Variants in FBLIM1 observed in about 807,000 individuals in gnomAD.
FBLIM1 encodes the protein filamin binding LIM protein 1.
FBLIM1 carries 29 observed loss-of-function variants against 37.4 expected under a neutral mutation model. The ratio of observed to expected loss-of-function variants is 0.77; its 90% CI spans 0.58 to 1.06. The LOEUF is 1.06. Ranked by LOEUF, FBLIM1 falls within the 50% of genes least tolerant of loss-of-function variation. The pLI is 0.00. For missense variants in FBLIM1, 449 were observed against 505.6 expected (o/e 0.89, Z 1.07); for synonymous variants, 193 against 199.0 (o/e 0.97, Z 0.25).
In FBLIM1 at chr1:15,767,545, G is replaced by GC; in HGVS notation, c.425dup (p.Pro143AlafsTer33). On this transcript the variant is annotated frameshift_variant, in exon 4 of 9. Coordinates refer to ENST00000375766, the MANE Select transcript of FBLIM1 (RefSeq NM_017556.4). LOFTEE classifies it high-confidence loss of function. ...ACTTAGAGCAGCTGCACCTGTCCCC[G>GC]CCCCCGCCCCCACCACAGGTACTGC... 1.6e-6 allele frequency: 2 copies of GC among 1,257,968 alleles called. No individual in the cohort carries two copies. Among genetic ancestry groups the GC allele is most frequent in the Non-Finnish European group, 2.1e-6 (2 of 954,630 alleles). 77.9% of individuals were successfully genotyped at this position (1,257,968 alleles called of 1,614,324 possible).
intron 8 of FBLIM1, among the ~76,000 whole-genome samples, chr1:15,780,901 G>A (rs2069617601): frequency 6.6e-6 from 1 of 152,160 alleles, no homozygotes; most frequent in South Asian, 2.1e-4. Context: ...TGAAAGCCCA[G>A]TGAGGAAGTT....
intron 7 of FBLIM1, 92 bp from the exon 8 acceptor site, chr1:15,777,078 G>A (rs573031279): frequency 7.2e-6 from 7 of 971,434 alleles, no homozygotes; most frequent in Non-Finnish European, 1.1e-5. Context: ...TTGCTCAGGA[G>A]GTGAACACCA....
chr1:15,770,034 C>T (rs1358000606), intron 5 of FBLIM1, among the ~76,000 whole-genome samples: 2 of 152,046 alleles, frequency 1.3e-5, no homozygotes, highest in African/African-American at 4.8e-5. Flanking sequence ...ATAACCTCTG[C>T]CTCCTAGGTT....
In FBLIM1 at chr1:15,765,681, C is replaced by G. The variant is rs1399228165; in HGVS notation, c.250+448C>G. Among the ~76,000 whole-genome samples the G allele has an allele frequency of 6.6e-6, 1 of 152,164 alleles. No individual in the cohort carries two copies. Among genetic ancestry groups the G allele is most frequent in the East Asian group, 1.9e-4 (1 of 5,192 alleles). ...AGGACACAAAGGCTGGCCCCGGGCC[C>G]TGGGGATGCTGCCAGCTGCTTGAAG... On this transcript the variant is annotated intron_variant, in intron 3 of 8. Transcript: ENST00000375766. This position sits in a 1 kb window ranked among gnomAD's most constrained non-coding sequence, Gnocchi z 5.9.
rs2069104059 is a variant in FBLIM1 at position 15,769,629 on chromosome 1, T to C, written c.542-780T>C. Among the ~76,000 whole-genome samples, 2 of 152,024 alleles carry C rather than the reference T, an allele frequency of 1.3e-5. 1 individual carries two copies. The highest frequency in any genetic ancestry group is 4.8e-5 in the African/African-American group (2 of 41,410). ...CTGTCCAGAATTCCTTATTTATTTA[T>C]GTTATTTATTTTTATTTTTATTTTT... On this transcript the variant is annotated intron_variant, in intron 5 of 8. Transcript: ENST00000375766.
At chr1:15,763,730 C>T (rs2068789095) in intron 1 of FBLIM1, among the ~76,000 whole-genome samples, 1 of 152,054 alleles carries the variant, frequency 6.6e-6, no homozygotes, top group Non-Finnish European at 1.5e-5. Context: ...ACCTCGGCCT[C>T]CCAGGTTCAA....
chr1:15,767,416 G>GTCTAA lies in FBLIM1; in HGVS notation c.291_292insTCTAA (p.Leu98SerfsTer38), dbSNP rs2068977361. On this transcript the variant is annotated frameshift_variant, in exon 4 of 9. Transcript: ENST00000375766. LOFTEE classifies it high-confidence loss of function. ...CTCCTGTCCTGGATGGTGAGGACGT[G>GTCTAA]CTTCCTGACCTGGACCTCCTCCCAC... 1 of 1,581,170 alleles carries GTCTAA rather than the reference G, an allele frequency of 6.3e-7. No individual in the cohort carries two copies. Among genetic ancestry groups the GTCTAA allele is most frequent in the South Asian group, 1.1e-5 (1 of 89,486 alleles).
chr1:15,776,586 T>G (rs1416918158), intron 7 of FBLIM1, among the ~76,000 whole-genome samples: 1 of 151,842 alleles, frequency 6.6e-6, no homozygotes, highest in East Asian at 2.0e-4. Flanking sequence ...AAGTACTGGC[T>G]GGGCACAGTG....
intron 6 of FBLIM1, among the ~76,000 whole-genome samples, chr1:15,772,945 C>T (rs1379594217): frequency 1.3e-5 from 2 of 151,940 alleles, no homozygotes; most frequent in South Asian, 2.1e-4. Context: ...CCACCACGCC[C>T]GGCTATTTTT....
At position 15,765,253 on chromosome 1, in the gene FBLIM1, T is replaced by C; in HGVS notation, c.250+20T>C. ...ATGGAGGTAAGAGCTGAGGGGACTTTGGGGAAGACCACGTCAGAGGCAGAG... is the reference window on the plus strand; with the variant it reads ...ATGGAGGTAAGAGCTGAGGGGACTTCGGGGAAGACCACGTCAGAGGCAGAG... On this transcript the variant is annotated intron_variant, in intron 3 of 8. Transcript: ENST00000375766. This position sits in a 1 kb window ranked among gnomAD's most constrained non-coding sequence, Gnocchi z 5.9. 3.1e-6 allele frequency: 5 copies of C among 1,592,476 alleles called. No individual in the cohort carries two copies. Among genetic ancestry groups the C allele is most frequent in the Non-Finnish European group, 4.3e-6 (5 of 1,165,564 alleles).
upstream of FBLIM1, chr1:15,756,822 C>T (rs1291424756): frequency 1.3e-5 from 2 of 152,298 alleles, no homozygotes; most frequent in Non-Finnish European, 2.9e-5. Flanking sequence ...TCAGTGTGAC[C>T]TTGAACAAGG....
chr1:15,764,874 T>A, intron 2 of FBLIM1, 90 bp from the exon 3 acceptor site: 1 of 1,457,370 alleles, frequency 6.9e-7, no homozygotes, highest in Non-Finnish European at 9.2e-7. Context: ...CTGGCCTGTC[T>A]TTTTGGGAGG....
Position 15,765,369 on chromosome 1 carries a change from G to A in FBLIM1, c.250+136G>A. ...ACATCAACGGGAAACAAAAAGATGT[G>A]CCCCTTCTGGGTGGGCAAGGGAGCC... On this transcript the variant is annotated intron_variant, in intron 3 of 8. Coordinates refer to ENST00000375766, the MANE Select transcript of FBLIM1 (RefSeq NM_017556.4). This position sits in a 1 kb window ranked among gnomAD's most constrained non-coding sequence, Gnocchi z 5.9. 7.7e-7 allele frequency: 1 copy of A among 1,291,234 alleles called. No homozygotes were observed. The highest frequency in any genetic ancestry group is 1.0e-6 in the Non-Finnish European group (1 of 958,554). The allele number at this position is 1,291,234 out of a possible 1,614,324, so 80.0% of individuals were successfully genotyped here.
chr1:15,776,859 T>G (rs1035620057), intron 7 of FBLIM1, among the ~76,000 whole-genome samples: 2 of 40,372 alleles, frequency 5.0e-5, no homozygotes, highest in African/African-American at 2.1e-4. Context: ...CAAAAAAAAC[T>G]CCATCTCAAA....
rs530068195 is a variant in FBLIM1 at position 15,776,328 on chromosome 1, A to G, written c.891-842A>G. Among the ~76,000 whole-genome samples, 3 of 152,290 alleles carry G rather than the reference A, an allele frequency of 2.0e-5. No individual in the cohort carries two copies. In the South Asian group the frequency reaches 6.2e-4, roughly 32 times the overall value. ...CAGGTACGATTAAGGGTTCTGTTTTACCACCCAAGGCACACAGCAGCTAAG... is the reference window on the plus strand; with the variant it reads ...CAGGTACGATTAAGGGTTCTGTTTTGCCACCCAAGGCACACAGCAGCTAAG... On this transcript the variant is annotated intron_variant, in intron 7 of 8. Transcript: ENST00000375766.
At chr1:15,770,702 A>G in intron 6 of FBLIM1, 124 bp downstream of exon 6, 1 of 1,178,624 alleles carries the variant, frequency 8.5e-7, no homozygotes, top group African/African-American at 1.5e-5. Flanking sequence ...ACAGATGAGG[A>G]AACTGAGGCT....
At chr1:15,764,807 C>G in intron 2 of FBLIM1, 122 bp downstream of exon 2, 1 of 924,526 alleles carries the variant, frequency 1.1e-6, no homozygotes, top group Non-Finnish European at 1.6e-6. Context: ...CAGGACACCC[C>G]CACCCCTTCT....
intron 5 of FBLIM1, among the ~76,000 whole-genome samples, chr1:15,769,303 G>C (rs1302883173): frequency 6.6e-6 from 1 of 151,906 alleles, no homozygotes; most frequent in Non-Finnish European, 1.5e-5. Flanking sequence ...ATGGTGAAAT[G>C]CTGTCTCTAC....
At position 15,770,579 on chromosome 1, in the gene FBLIM1, G is replaced by A. The variant is rs144469979; in HGVS notation, c.711+1G>A. On this transcript the variant is annotated splice_donor_variant, in intron 6 of 8. Transcript: ENST00000375766. LOFTEE classifies it high-confidence loss of function. ...ACCCCTCTGCGAACCCTGCTACCAGGTAACCCCTGCAGCAGACCTCTGGGT... is the reference window on the plus strand; with the variant it reads ...ACCCCTCTGCGAACCCTGCTACCAGATAACCCCTGCAGCAGACCTCTGGGT... 6.2e-7 allele frequency: 1 copy of A among 1,613,442 alleles called. No homozygotes were observed. Among genetic ancestry groups the A allele is most frequent in the East Asian group, 2.2e-5 (1 of 44,868 alleles).
Sources: gnomAD v4.1 joint callset for allele counts (sites outside exome capture counted in the v4.1 genomes callset) on GRCh38, gnomAD v4.1.1 for gene constraint, Gnocchi (gnomAD v3.1) non-coding constraint, MANE v1.5 for transcripts, NCBI Gene and HGNC (gene_info 2026-07-23, HGNC 2026-07-21) for gene names.